The following FAM107A variants were observed in gnomAD, a reference collection of about 807,000 sequenced individuals.
FAM107A encodes family with sequence similarity 107 member A, also known as actin-associated protein FAM107A.
In FAM107A, 19 loss-of-function variants were observed where a neutral mutation model predicts 13.7. The observed-to-expected ratio is 1.38, with a 90% CI of 0.97 to 2.03. The LOEUF is 2.03. Ranked by LOEUF, FAM107A falls within the 30% of genes most tolerant of loss-of-function variation. The pLI is 0.00. For missense variants in FAM107A, 203 were observed against 184.4 expected (o/e 1.10, Z -0.58); for synonymous variants, 82 against 74.5 (o/e 1.10, Z -0.52).
rs1223155100 is a variant in FAM107A, at chr3:58,597,552, G to A, written c.-69-8283C>T. 2.6e-5 allele frequency among the ~76,000 whole-genome samples: 4 copies of A among 152,358 alleles called. No homozygotes were observed. The East Asian group carries it at 5.8e-4, about 22-fold the overall frequency. On this transcript the variant is annotated intron_variant, in intron 1 of 3. Transcript: ENST00000465970. ...TGTAAACACTATGAGAATAGGAATT[G>A]TAACTTATTCAGGGATGTGTCTGCA...
At chr3:58,566,747 A>T in intron 3 of FAM107A, 52 bp from the exon 4 acceptor site, 1 of 1,436,962 alleles carries the variant, frequency 7.0e-7, no homozygotes, top group South Asian at 1.2e-5. Context: ...GGGGATTCCT[A>T]CTCTGAAAAC....
At chr3:58,602,616 G>A (rs2065762314) in intron 1 of FAM107A, among the ~76,000 whole-genome samples, 1 of 152,158 alleles carries the variant, frequency 6.6e-6, no homozygotes, top group African/African-American at 2.4e-5. Context: ...ACAGTCTGTG[G>A]CTAAGAAGGA....
exon 1 of FAM107A, chr3:58,587,107 G>C: frequency 1.5e-6 from 2 of 1,369,166 alleles, no homozygotes; most frequent in South Asian, 1.7e-5. Context: ...AGACGCCGCC[G>C]GGGGAAGGAG....
chr3:58,597,373 C>T (rs922920043), intron 1 of FAM107A, among the ~76,000 whole-genome samples: 1 of 152,144 alleles, frequency 6.6e-6, no homozygotes, highest in African/African-American at 2.4e-5. Flanking sequence ...TTTGGATTGG[C>T]AGGGAGGAGG....
chr3:58,624,135 G>A (rs1178240980), intron 1 of FAM107A, among the ~76,000 whole-genome samples: 3 of 152,142 alleles, frequency 2.0e-5, no homozygotes, highest in Non-Finnish European at 4.4e-5. Flanking sequence ...GTAATGCAAG[G>A]GCTTAAAACG....
At chr3:58,614,506 CTTTTT>C (rs200625039) in intron 1 of FAM107A, among the ~76,000 whole-genome samples, 1 of 139,410 alleles carries the variant, frequency 7.2e-6, no homozygotes, top group Admixed American at 7.2e-5. Context: ...TTCTTTCTTT[CTTTTT>C]TTTTTTTTTT....
intron 1 of FAM107A, among the ~76,000 whole-genome samples, chr3:58,601,958 G>T (rs899824908): frequency 6.6e-6 from 1 of 152,202 alleles, no homozygotes; most frequent in Admixed American, 6.5e-5. Flanking sequence ...GCTCCTGGAG[G>T]TCAAGGAACT....
chr3:58,575,866 G>C (rs1276088498), intron 1 of FAM107A, among the ~76,000 whole-genome samples: 2 of 152,232 alleles, frequency 1.3e-5, no homozygotes, highest in Non-Finnish European at 2.9e-5. Context: ...GAGAGGACCA[G>C]CTGGTGGCCT....
intron 1 of FAM107A, among the ~76,000 whole-genome samples, chr3:58,585,857 A>G (rs1275155892): frequency 6.6e-6 from 1 of 152,184 alleles, no homozygotes; most frequent in Non-Finnish European, 1.5e-5. Context: ...TTATTTGGAC[A>G]CTGGTCATAT....
chr3:58,578,025 C>T (rs2063744888), upstream of FAM107A, among the ~76,000 whole-genome samples: 1 of 152,162 alleles, frequency 6.6e-6, no homozygotes, highest in Non-Finnish European at 1.5e-5. Flanking sequence ...GCCCCTTCAG[C>T]AGCCACTCAG....
intron 1 of FAM107A, among the ~76,000 whole-genome samples, chr3:58,603,918 A>T (rs2065772331): frequency 6.6e-6 from 1 of 152,150 alleles, no homozygotes; most frequent in Non-Finnish European, 1.5e-5. Flanking sequence ...CCAACTAGTA[A>T]CTGGGTTTTG....
intron 1 of FAM107A, among the ~76,000 whole-genome samples, chr3:58,623,719 A>G (rs1334157316): frequency 1.3e-5 from 2 of 151,862 alleles, no homozygotes; most frequent in Non-Finnish European, 2.9e-5. Context: ...TGTTAACTCC[A>G]CCCTTACTAG....
intron 1 of FAM107A, among the ~76,000 whole-genome samples, chr3:58,599,831 C>A (rs1391949369): frequency 6.8e-6 from 1 of 147,052 alleles, no homozygotes; most frequent in Non-Finnish European, 1.5e-5. Flanking sequence ...GATTCTCCTG[C>A]ACCCAGCTAA....
intron 1 of FAM107A, among the ~76,000 whole-genome samples, chr3:58,599,838 C>A (rs865842683): frequency 6.0e-5 from 9 of 149,728 alleles, no homozygotes; most frequent in Admixed American, 6.7e-5. Flanking sequence ...CTGCACCCAG[C>A]TAATTTTTTG....
Position 58,566,461 on chromosome 3 carries a change from T to A in FAM107A, c.*127A>T. 1 of 710,368 alleles carries A rather than the reference T, an allele frequency of 1.4e-6. No homozygotes were observed. Among genetic ancestry groups the A allele is most frequent in the South Asian group, 1.8e-5 (1 of 55,714 alleles). 44.0% of individuals were successfully genotyped at this position (710,368 alleles called of 1,614,324 possible). The stretch of plus-strand genomic sequence containing the variant: ...AGCCAGGCCCTCTGGGGTGACACAT[T>A]TCTACAGAAGCAGGTGGGAACATCA... On this transcript the variant is annotated 3_prime_UTR_variant, in exon 4 of 4. Coordinates refer to ENST00000360997, the MANE Select transcript of FAM107A (RefSeq NM_001076778.3).
chr3:58,603,779 C>A (rs1274211150), intron 1 of FAM107A, among the ~76,000 whole-genome samples: 3 of 152,146 alleles, frequency 2.0e-5, no homozygotes, highest in African/African-American at 7.2e-5. Context: ...CAGCTGTGAG[C>A]AATCAGCACT....
intron 1 of FAM107A, among the ~76,000 whole-genome samples, chr3:58,599,527 T>C (rs577159630): frequency 6.6e-6 from 1 of 152,174 alleles, no homozygotes; most frequent in African/African-American, 2.4e-5. Flanking sequence ...TCTCTAGTGT[T>C]AGAAGTCGGG....
chr3:58,620,031 T>A (rs1330801642), intron 1 of FAM107A, among the ~76,000 whole-genome samples: 2 of 152,176 alleles, frequency 1.3e-5, no homozygotes, highest in Non-Finnish European at 2.9e-5. Flanking sequence ...AAGGTTGGCC[T>A]TCAACTCAGG....
At chr3:58,597,204 G>A (rs2065714718) in intron 1 of FAM107A, among the ~76,000 whole-genome samples, 1 of 152,136 alleles carries the variant, frequency 6.6e-6, no homozygotes, top group African/African-American at 2.4e-5. Flanking sequence ...ATTTCTGTTG[G>A]GCAGATATCC....
Sources: gnomAD v4.1 joint callset for allele counts (sites outside exome capture counted in the v4.1 genomes callset) on GRCh38, gnomAD v4.1.1 for gene constraint, MANE v1.5 for transcripts, NCBI Gene and HGNC (gene_info 2026-07-23, HGNC 2026-07-21) for gene names.